The following REPS1 variants were observed in gnomAD, a reference collection of about 807,000 sequenced individuals.
REPS1 encodes the protein RALBP1 associated Eps domain containing 1.
Under a neutral mutation model 100.9 loss-of-function variants are expected in REPS1, and 39 were observed. The ratio of observed to expected loss-of-function variants is 0.39; its 90% CI spans 0.30 to 0.50. The LOEUF (loss-of-function observed/expected upper bound fraction) is 0.50, where lower values mean the gene tolerates loss of function less well. Among genes scored for constraint, REPS1 ranks in the 20% least tolerant of loss-of-function variants. The pLI is 0.86. For synonymous variants in REPS1, 324 were observed against 340.3 expected (o/e 0.95, Z 0.53); for missense variants, 821 against 968.5 (o/e 0.85, Z 2.02).
chr6:138,954,866 C>T (rs1783273011), intron 1 of REPS1, among the ~76,000 whole-genome samples: 1 of 152,140 alleles, frequency 6.6e-6, no homozygotes, highest in African/African-American at 2.4e-5. Flanking sequence ...TACATGTACA[C>T]AAACACACAA....
In REPS1 at chr6:138,964,058, A is replaced by G. The variant is rs540161586; in HGVS notation, c.154-16145T>C. Among the ~76,000 whole-genome samples the G allele has an allele frequency of 5.3e-5, 8 of 152,308 alleles. No individual in the cohort carries two copies. In the East Asian group the frequency reaches 1.2e-3, roughly 22 times the overall value. On this transcript the variant is annotated intron_variant, in intron 1 of 19. Coordinates refer to ENST00000450536, the MANE Select transcript of REPS1 (RefSeq NM_001286611.2). ...GCAAATAGCTCATCTCACTTTCACTACATTTCTCATCTAAAACTTTTAACT... is the reference window on the plus strand; with the variant it reads ...GCAAATAGCTCATCTCACTTTCACTGCATTTCTCATCTAAAACTTTTAACT...
rs1785362168 is a variant in REPS1 at position 138,987,786 on chromosome 6, G to C, written c.-104C>G. ...CTGCGCGTGGCCCGGCCTCCTGCTAGCTTCCCGAAAACGCCGGCCCCGGCC... is the reference window on the plus strand; with the variant it reads ...CTGCGCGTGGCCCGGCCTCCTGCTACCTTCCCGAAAACGCCGGCCCCGGCC... On this transcript the variant is annotated 5_prime_UTR_variant, in exon 1 of 20. Transcript: ENST00000450536. 36 of 1,350,066 alleles carry C rather than the reference G, an allele frequency of 2.7e-5. No individual in the cohort carries two copies. The highest frequency in any genetic ancestry group is 3.3e-5 in the Non-Finnish European group (34 of 1,043,692). The allele number at this position is 1,350,066 out of a possible 1,614,324, so 83.6% of individuals were successfully genotyped here.
At chr6:138,920,365 G>T in intron 11 of REPS1, 49 bp from the exon 12 acceptor site, 1 of 948,464 alleles carries the variant, frequency 1.1e-6, no homozygotes, top group Non-Finnish European at 1.7e-6. Context: ...TATTTGAACT[G>T]ATAAACTCAT....
rs370569901 is a variant in REPS1 at position 138,966,872 on chromosome 6, A to G, written c.154-18959T>C. ...GAATGCAAATTTCCTTACATTTCAT[A>G]TAACTACAATACAAACTACCTGCTG... is the stretch of plus-strand genomic sequence containing the variant. On this transcript the variant is annotated intron_variant, in intron 1 of 19. Transcript: ENST00000450536. Among the ~76,000 whole-genome samples the G allele has an allele frequency of 3.3e-5, 5 of 152,338 alleles. 1 individual carries two copies. The highest frequency in any genetic ancestry group is 1.9e-4 in the East Asian group (1 of 5,190).
At position 138,947,714 on chromosome 6, in the gene REPS1, C is replaced by A. The variant is rs926337990; in HGVS notation, c.277+76G>T. On this transcript the variant is annotated intron_variant, in intron 2 of 19. Transcript: ENST00000450536. ...ATGCCACTATAAGATCAGAAAGACA[C>A]AAGAGTTCTATTGACTTGACTTCAT... 1.2e-5 allele frequency: 15 copies of A among 1,279,254 alleles called. No homozygotes were observed. The African/African-American group carries it at 1.7e-4, about 14-fold the overall frequency. The allele number at this position is 1,279,254 out of a possible 1,614,324, so 79.2% of individuals were successfully genotyped here. A position where few individuals can be genotyped will look rare whatever the true frequency, so the allele number is the denominator to read the frequency against.
At chr6:138,968,472 T>C (rs933424243) in intron 1 of REPS1, among the ~76,000 whole-genome samples, 4 of 152,186 alleles carry the variant, frequency 2.6e-5, no homozygotes, top group Admixed American at 6.5e-5. Context: ...AGCCAAGATA[T>C]GAACGCAGTT....
chr6:138,917,019 T>C (rs1386752251), intron 13 of REPS1, among the ~76,000 whole-genome samples: 1 of 152,170 alleles, frequency 6.6e-6, no homozygotes, highest in African/African-American at 2.4e-5. Context: ...ACTCAACACG[T>C]GCAAAAAGTG....
chr6:138,921,644 T>C (rs1303442566), intron 10 of REPS1, among the ~76,000 whole-genome samples: 1 of 147,618 alleles, frequency 6.8e-6, no homozygotes, highest in African/African-American at 2.5e-5. Flanking sequence ...TGGCGTGATC[T>C]TGGCTCACTG....
intron 1 of REPS1, among the ~76,000 whole-genome samples, chr6:138,980,690 GGGGGGGGGA>G (rs932377036): frequency 2.4e-5 from 3 of 123,728 alleles, no homozygotes; most frequent in African/African-American, 5.4e-5. Context: ...TGGGGCGGGG[GGGGGGGGGA>G]ACGGAGACTT....
intron 15 of REPS1, 145 bp downstream of exon 15, chr6:138,914,552 G>C (rs1421007425): frequency 3.0e-6 from 2 of 668,414 alleles, no homozygotes; most frequent in Non-Finnish European, 5.3e-6. Flanking sequence ...CTTTCAAAAT[G>C]AGATTCAGCC....
intron 8 of REPS1, among the ~76,000 whole-genome samples, chr6:138,940,710 C>T (rs778827169): frequency 2.0e-5 from 3 of 150,208 alleles, no homozygotes; most frequent in Non-Finnish European, 4.4e-5. Context: ...CGTGCCACTG[C>T]ACTCCAGCCT....
chr6:138,947,727 G>C (rs1252177985), intron 2 of REPS1, 63 bp downstream of exon 2: 1 of 1,358,850 alleles, frequency 7.4e-7, no homozygotes, highest in Non-Finnish European at 9.8e-7. Flanking sequence ...GAGTTCTATT[G>C]ACTTGACTTC....
chr6:138,908,774 G>A lies in REPS1; in HGVS notation c.2110C>T (p.Arg704Ter), dbSNP rs1256246588. 3 of 1,614,038 alleles carry A rather than the reference G, an allele frequency of 1.9e-6. No individual in the cohort carries two copies. The highest frequency in any genetic ancestry group is 1.1e-5 in the South Asian group (1 of 91,062). ...TPLAPPPKPVRRRLKSEDELR... is the reference protein window; with the variant it reads ...TPLAPPPKPV Reference sequence around the variant, plus strand: ...TCATCTTCTGATTTTAATCTTCTTCGAACAGGTTTAGGTGGTGGAGCAAGT... The same window carrying A: ...TCATCTTCTGATTTTAATCTTCTTCAAACAGGTTTAGGTGGTGGAGCAAGT... The change falls in exon 18 of 20, where the codon CGA becomes TGA. Residue 704 changes from arginine (R) to a stop codon, truncating the protein, a stop_gained. Transcript: ENST00000450536. LOFTEE classifies it high-confidence loss of function.
intron 1 of REPS1, among the ~76,000 whole-genome samples, chr6:138,984,730 C>T (rs1339994061): frequency 6.6e-6 from 1 of 152,180 alleles, no homozygotes. Flanking sequence ...TCCTGTGGCC[C>T]TGACAAACGA....
Position 138,946,423 on chromosome 6 carries a change from G to A in REPS1, c.278-726C>T, listed in dbSNP as rs114721266. ...ATACTTTTAGACCAGAAAAAATACAGCTACAAAATCATTTCAGAGGAAAGC... is the reference window on the plus strand; with the variant it reads ...ATACTTTTAGACCAGAAAAAATACAACTACAAAATCATTTCAGAGGAAAGC... On this transcript the variant is annotated intron_variant, in intron 2 of 19. Coordinates refer to ENST00000450536, the MANE Select transcript of REPS1 (RefSeq NM_001286611.2). Among the ~76,000 whole-genome samples the A allele has an allele frequency of 9.0e-3, 1,376 of 152,180 alleles. 15 individuals carry two copies. Among genetic ancestry groups the A allele is most frequent in the African/African-American group, 0.031 (1,302 of 41,496 alleles).
intron 1 of REPS1, among the ~76,000 whole-genome samples, chr6:138,968,223 A>C (rs959812043): frequency 2.6e-5 from 4 of 152,200 alleles, no homozygotes; most frequent in Admixed American, 2.6e-4. Flanking sequence ...GTAACTCCTA[A>C]GAATTAAACT....
intron 13 of REPS1, 89 bp from the exon 14 acceptor site, chr6:138,916,065 G>T: frequency 1.1e-6 from 1 of 912,754 alleles, no homozygotes. Flanking sequence ...AAGCAGCAAA[G>T]GATCTTATTA....
intron 7 of REPS1, among the ~76,000 whole-genome samples, chr6:138,941,745 C>A (rs181387288): frequency 7.2e-5 from 11 of 151,958 alleles, no homozygotes; most frequent in African/African-American, 2.4e-4. Context: ...AAAAGCAGCC[C>A]CAATAATTAA....
At chr6:138,951,100 T>A (rs1189649095) in intron 1 of REPS1, 1 of 150,036 alleles carries the variant, frequency 6.7e-6, no homozygotes, top group Non-Finnish European at 1.5e-5. Context: ...GGCAGAAGAA[T>A]CACTTGAACC....
Sources: allele counts gnomAD v4.1 joint callset (sites outside exome capture counted in the v4.1 genomes callset), GRCh38; gene constraint gnomAD v4.1.1; transcripts MANE v1.5; gene names NCBI Gene and HGNC (gene_info 2026-07-23, HGNC 2026-07-21).